CAMTA1: variants seen among roughly 807,000 people sequenced by gnomAD.
The protein encoded by CAMTA1 is calmodulin-binding transcription activator 1.
Under a neutral mutation model 170.9 loss-of-function variants are expected in CAMTA1, and 27 were observed. That is an observed-to-expected ratio of 0.16 (90% CI 0.12 to 0.22). CAMTA1 has a LOEUF of 0.22. Ranked by LOEUF, CAMTA1 falls within the 10% of genes least tolerant of loss-of-function variation. CAMTA1 has a pLI of 1.00. For missense variants in CAMTA1, 1,619 were observed against 2,217.2 expected, an observed-to-expected ratio of 0.73 and a Z score of 5.42; for synonymous variants, 833 against 891.5, an observed-to-expected ratio of 0.93 and a Z score of 1.17.
chr1:7,704,527 C>T (rs1397144971), intron 11 of CAMTA1, among the ~76,000 whole-genome samples: 2 of 147,978 alleles, frequency 1.4e-5, no homozygotes, highest in African/African-American at 2.4e-5. Flanking sequence ...GGGCCCCCGC[C>T]GTCCAGCGCG....
intron 5 of CAMTA1, among the ~76,000 whole-genome samples, chr1:7,380,162 C>T (rs1225673657): frequency 6.6e-6 from 1 of 152,174 alleles, no homozygotes; most frequent in Non-Finnish European, 1.5e-5. Context: ...TATTTATATG[C>T]AAATCTGGCT....
At chr1:7,254,998 C>T (rs944545560) in intron 5 of CAMTA1, among the ~76,000 whole-genome samples, 5 of 152,322 alleles carry the variant, frequency 3.3e-5, no homozygotes, top group Admixed American at 6.5e-5. Context: ...ACATACAATA[C>T]GTATTTCTAC....
chr1:6,916,642 A>T (rs1044734584), intron 3 of CAMTA1, among the ~76,000 whole-genome samples: 1 of 152,114 alleles, frequency 6.6e-6, no homozygotes, highest in African/African-American at 2.4e-5. Flanking sequence ...TGTTCTGAAC[A>T]CCTGCTCTGT....
chr1:7,562,327 G>A lies in CAMTA1; in HGVS notation c.511-78073G>A, dbSNP rs747685234. 2.0e-4 allele frequency among the ~76,000 whole-genome samples: 31 copies of A among 152,192 alleles called. No homozygotes were observed. The highest frequency in any genetic ancestry group is 4.1e-4 in the South Asian group (2 of 4,830). On this transcript the variant is annotated intron_variant, in intron 6 of 22. Coordinates refer to ENST00000303635, the MANE Select transcript of CAMTA1 (RefSeq NM_015215.4). The surrounding 1 kb of genome is among the most constrained non-coding windows in gnomAD (Gnocchi z 4.8). Reference sequence around the variant, plus strand: ...GTAAAGGCACTAAGCTGTTTAATTCGGTGCTTCCTGCATCGTTGGGCAGTG... The same window carrying A: ...GTAAAGGCACTAAGCTGTTTAATTCAGTGCTTCCTGCATCGTTGGGCAGTG...
intron 5 of CAMTA1, among the ~76,000 whole-genome samples, chr1:7,305,377 A>G (rs1675427050): frequency 1.4e-5 from 1 of 69,610 alleles, no homozygotes; most frequent in African/African-American, 6.7e-5. Context: ...CTGATCTAAA[A>G]CAAAACAAAG....
At chr1:6,920,508 C>A (rs934120703) in intron 3 of CAMTA1, among the ~76,000 whole-genome samples, 6 of 152,134 alleles carry the variant, frequency 3.9e-5, no homozygotes, top group Non-Finnish European at 7.3e-5. Flanking sequence ...AGGATGGTGA[C>A]CCTCTTCTCA....
chr1:7,634,983 G>A lies in CAMTA1; in HGVS notation c.511-5417G>A, dbSNP rs1187934997. 6.6e-6 allele frequency among the ~76,000 whole-genome samples: 1 copy of A among 152,192 alleles called. No homozygotes were observed. The highest frequency in any genetic ancestry group is 2.4e-5 in the African/African-American group (1 of 41,452). ...GATCCCCTCGTCCACGGCTCTTCCAGAAGGCTGTGGAACTTCTCTGAGACT... is the reference window on the plus strand; with the variant it reads ...GATCCCCTCGTCCACGGCTCTTCCAAAAGGCTGTGGAACTTCTCTGAGACT... On this transcript the variant is annotated intron_variant, in intron 6 of 22. Coordinates refer to ENST00000303635, the MANE Select transcript of CAMTA1 (RefSeq NM_015215.4). The surrounding 1 kb of genome is among the most constrained non-coding windows in gnomAD (Gnocchi z 6.2).
rs2095988151 is a variant in CAMTA1, at chr1:7,664,888, A to G, written c.2341A>G (p.Ile781Val). The G allele has an allele frequency of 1.9e-6, 3 of 1,613,254 alleles. No individual in the cohort carries two copies. Among genetic ancestry groups the G allele is most frequent in the Non-Finnish European group, 2.5e-6 (3 of 1,180,008 alleles). The change falls in exon 9 of 23, where the codon ATC becomes GTC. Residue 781 changes from isoleucine to valine, a missense_variant. Transcript: ENST00000303635. ...GTTCTCCGACCTGATCAACGACTTC[A>G]TCTCCGTGGAGGGGGGCAGCAGCAC... ...NQFSDLINDF[I>V]SVEGGSSTIY...
At chr1:7,006,709 C>G (rs1300225720) in intron 3 of CAMTA1, among the ~76,000 whole-genome samples, 1 of 152,156 alleles carries the variant, frequency 6.6e-6, no homozygotes, top group Non-Finnish European at 1.5e-5. Context: ...GGAGGACTGT[C>G]CCCACCTGAC....
chr1:7,664,741 G>A lies in CAMTA1; in HGVS notation c.2194G>A (p.Gly732Ser), dbSNP rs751420139. 1.4e-5 allele frequency: 23 copies of A among 1,608,246 alleles called. No individual in the cohort carries two copies. Among genetic ancestry groups the A allele is most frequent in the Middle Eastern group, 1.6e-4 (1 of 6,070 alleles). ...CAACGGGGTAATCCGAAGCGCCGGCGGCGTCCCCATCCTCCCGGGCAACGT... is the reference window on the plus strand; with the variant it reads ...CAACGGGGTAATCCGAAGCGCCGGCAGCGTCCCCATCCTCCCGGGCAACGT... ...ETNGVIRSAG[G>S]VPILPGNVVQ... The change falls in exon 9 of 23, where the codon GGC becomes AGC. Residue 732 changes from glycine to serine, a missense_variant. Around this residue, in one of 8 missense-constraint regions of CAMTA1, gnomAD observed 731 missense variants for 907.6 expected, o/e 0.81. Transcript: ENST00000303635.
chr1:7,627,263 G>A (rs985221573), intron 6 of CAMTA1, among the ~76,000 whole-genome samples: 3 of 152,140 alleles, frequency 2.0e-5, no homozygotes, highest in Non-Finnish European at 4.4e-5. Context: ...ATGCTTCCTC[G>A]ATGTTTGAAA....
At chr1:7,564,176 TG>T (rs1416434072) in intron 6 of CAMTA1, among the ~76,000 whole-genome samples, 4 of 152,230 alleles carry the variant, frequency 2.6e-5, no homozygotes, top group Non-Finnish European at 4.4e-5. Flanking sequence ...TCCTGGCCTG[TG>T]GTCCTCCCAG....
At chr1:7,707,731 A>G (rs772338196) in intron 11 of CAMTA1, among the ~76,000 whole-genome samples, 1 of 152,222 alleles carries the variant, frequency 6.6e-6, no homozygotes, top group Non-Finnish European at 1.5e-5. Flanking sequence ...CTCACATTTA[A>G]CATTTCAGAA....
chr1:7,305,454 A>G (rs910647917), intron 5 of CAMTA1, among the ~76,000 whole-genome samples: 1 of 151,836 alleles, frequency 6.6e-6, no homozygotes, highest in Non-Finnish European at 1.5e-5. Context: ...TTACCCTGAA[A>G]CCTATTACCA....
intron 5 of CAMTA1, among the ~76,000 whole-genome samples, chr1:7,297,208 T>C (rs1391403202): frequency 3.3e-5 from 5 of 152,230 alleles, no homozygotes; most frequent in Non-Finnish European, 7.3e-5. Context: ...TTTTAGAAGA[T>C]ATGTGGTAGG....
intron 6 of CAMTA1, among the ~76,000 whole-genome samples, chr1:7,583,416 G>A (rs2095278977): frequency 6.6e-6 from 1 of 152,154 alleles, no homozygotes; most frequent in Admixed American, 6.5e-5. Context: ...GCTGGGGCCA[G>A]CAGGTGGGGG....
At chr1:7,508,987 C>A (rs529717514) in intron 6 of CAMTA1, among the ~76,000 whole-genome samples, 16 of 152,190 alleles carry the variant, frequency 1.1e-4, no homozygotes, top group Non-Finnish European at 1.0e-4. Flanking sequence ...TGAGACCAGG[C>A]GCTACAGGCT....
intron 1 of CAMTA1, among the ~76,000 whole-genome samples, chr1:6,815,216 T>G (rs1415183537): frequency 6.6e-6 from 1 of 152,158 alleles, no homozygotes; most frequent in African/African-American, 2.4e-5. Context: ...ATTTCTTTTT[T>G]TTTTTTGAGA....
chr1:7,380,815 G>A (rs980220520), intron 5 of CAMTA1, among the ~76,000 whole-genome samples: 5 of 152,208 alleles, frequency 3.3e-5, no homozygotes, highest in African/African-American at 1.2e-4. Flanking sequence ...GGTCCACCCA[G>A]CTGATCTGAT....
Sources: allele counts gnomAD v4.1 joint callset (sites outside exome capture counted in the v4.1 genomes callset), GRCh38; gene constraint gnomAD v4.1.1; regional missense constraint gnomAD v4.1.1; non-coding constraint Gnocchi (gnomAD v3.1); transcripts MANE v1.5; gene names NCBI Gene and HGNC (gene_info 2026-07-23, HGNC 2026-07-21).